Variants in ESF1 observed in about 807,000 individuals in gnomAD.
The protein encoded by ESF1 is ESF1 homolog.
In ESF1, 58 loss-of-function variants were observed where a neutral mutation model predicts 92.0. The observed-to-expected ratio is 0.63, with a 90% CI of 0.51 to 0.78. The LOEUF is 0.78. ESF1 is among the 30% of genes least tolerant of loss of function. The pLI is 0.00. For synonymous variants in ESF1, 321 were observed against 313.7 expected (o/e 1.02, Z -0.24); for missense variants, 922 against 989.1 (o/e 0.93, Z 0.91).
rs201910086 is a variant in ESF1 at position 13,759,658 on chromosome 20, G to T, written c.1828+34C>A. The T allele has an allele frequency of 2.2e-5, 34 of 1,561,022 alleles. No homozygotes were observed. The Middle Eastern group carries it at 8.6e-4, about 39-fold the overall frequency. ...AAAGGTACTCAACATGCTGAAATTC[G>T]AAAAAGAGAAAACATTTAGTATCTA... On this transcript the variant is annotated intron_variant, in intron 9 of 13. Coordinates refer to ENST00000617257, the MANE Select transcript of ESF1 (RefSeq NM_001276380.2).
intron 8 of ESF1, among the ~76,000 whole-genome samples, chr20:13,760,609 G>T (rs1428771463): frequency 2.0e-5 from 3 of 148,350 alleles, no homozygotes; most frequent in African/African-American, 7.5e-5. Flanking sequence ...CAGCCACCCC[G>T]TCTGGGAAGT....
At chr20:13,782,393 G>T in intron 2 of ESF1, 111 bp downstream of exon 2, 1 of 877,294 alleles carries the variant, frequency 1.1e-6, no homozygotes, top group Non-Finnish European at 1.6e-6. Context: ...ATAAGCATTT[G>T]ACCATTCCAT....
chr20:13,754,402 CT>C (rs528287876), intron 9 of ESF1, among the ~76,000 whole-genome samples: 96 of 152,258 alleles, frequency 6.3e-4, no homozygotes, highest in African/African-American at 2.2e-3. Context: ...GCTTTTGAAC[CT>C]TTCTTTTTTA....
intron 9 of ESF1, among the ~76,000 whole-genome samples, chr20:13,740,829 A>G (rs1336728331): frequency 6.6e-6 from 1 of 152,192 alleles, no homozygotes; most frequent in Non-Finnish European, 1.5e-5. Context: ...GTATTAAAAT[A>G]CTTGTTCTTT....
At chr20:13,760,057 G>A (rs1979090547) in intron 8 of ESF1, among the ~76,000 whole-genome samples, 1 of 152,254 alleles carries the variant, frequency 6.6e-6, no homozygotes, top group Admixed American at 6.5e-5. Flanking sequence ...TGTCATAGCA[G>A]TATGCTTGGG....
chr20:13,717,561 T>C (rs753725872), intron 12 of ESF1, 47 bp from the exon 13 acceptor site: 24 of 1,602,806 alleles, frequency 1.5e-5, no homozygotes, highest in African/African-American at 9.4e-5. Flanking sequence ...TGCTTTTTTT[T>C]CCACCCCCAA....
intron 8 of ESF1, 137 bp from the exon 9 acceptor site, chr20:13,759,990 A>G: frequency 1.5e-6 from 2 of 1,342,944 alleles, no homozygotes; most frequent in African/African-American, 3.0e-5. Flanking sequence ...CTGAATATTA[A>G]ATGAAAGACT....
intron 11 of ESF1, among the ~76,000 whole-genome samples, chr20:13,723,352 A>G: frequency 6.6e-6 from 1 of 151,968 alleles, no homozygotes; most frequent in East Asian, 1.9e-4. Context: ...CCTCTAGGCT[A>G]CCACATTCTG....
At chr20:13,719,771 A>G (rs2049855027) in intron 11 of ESF1, among the ~76,000 whole-genome samples, 2 of 151,808 alleles carry the variant, frequency 1.3e-5, no homozygotes, top group African/African-American at 4.8e-5. Context: ...CAAAGAAAAA[A>G]CCCCCAAGTG....
intron 9 of ESF1, among the ~76,000 whole-genome samples, 170 bp downstream of exon 9, chr20:13,759,522 T>A (rs1377973669): frequency 3.3e-5 from 5 of 152,130 alleles, no homozygotes; most frequent in Non-Finnish European, 1.5e-5. Flanking sequence ...AGAAACCAAT[T>A]AAAAATAAGT....
chr20:13,771,401 T>C lies in ESF1; in HGVS notation c.1333A>G (p.Thr445Ala). 2 of 1,613,192 alleles carry C rather than the reference T, an allele frequency of 1.2e-6. No homozygotes were observed. The highest frequency in any genetic ancestry group is 8.5e-7 in the Non-Finnish European group (1 of 1,179,566). ...CAATCCTCATAAATTTTACTAGCTG[T>C]TTCCGGAGAATCACAGTCTACTACT... is the stretch of plus-strand genomic sequence containing the variant. Reference protein sequence around the residue: ...YAVVDCDSPETASKIYEDCDG... With the variant: ...YAVVDCDSPEAASKIYEDCDG... The change falls in exon 6 of 14, where the codon ACA becomes GCA. Residue 445 changes from threonine to alanine, a missense_variant. Thr to Ala is a moderately conservative substitution (Grantham distance 58). Coordinates refer to ENST00000617257, the MANE Select transcript of ESF1 (RefSeq NM_001276380.2).
At chr20:13,760,000 T>C (rs1979087460) in intron 8 of ESF1, 147 bp from the exon 9 acceptor site, 4 of 1,310,356 alleles carry the variant, frequency 3.1e-6, no homozygotes, top group Admixed American at 7.0e-5. Flanking sequence ...AATGAAAGAC[T>C]TAGGGTCTCA....
intron 11 of ESF1, among the ~76,000 whole-genome samples, chr20:13,723,403 G>C (rs890958567): frequency 2.0e-5 from 3 of 151,520 alleles, no homozygotes; most frequent in African/African-American, 4.9e-5. Flanking sequence ...AAAATAAAGG[G>C]AAGCCCACTA....
At chr20:13,781,720 T>C (rs983230372) in intron 2 of ESF1, among the ~76,000 whole-genome samples, 6 of 152,212 alleles carry the variant, frequency 3.9e-5, no homozygotes, top group African/African-American at 7.2e-5. Flanking sequence ...AAAGGCATCA[T>C]ATAAGCTAGC....
chr20:13,729,698 T>G (rs1018448443), intron 10 of ESF1, among the ~76,000 whole-genome samples: 1 of 152,214 alleles, frequency 6.6e-6, no homozygotes, highest in African/African-American at 2.4e-5. Context: ...AGTAGGACAA[T>G]GTAATGAACC....
At chr20:13,766,473 T>A (rs897706885) in intron 8 of ESF1, among the ~76,000 whole-genome samples, 3 of 152,202 alleles carry the variant, frequency 2.0e-5, no homozygotes, top group African/African-American at 4.8e-5. Context: ...TCTTATTTTT[T>A]AAAAAGGCAA....
chr20:13,760,629 C>G lies in ESF1; in HGVS notation c.1667-776G>C, dbSNP rs558804076. Among the ~76,000 whole-genome samples the G allele has an allele frequency of 5.5e-4, 84 of 151,966 alleles. 2 individuals are homozygous for G. In the South Asian group the frequency reaches 0.015, roughly 27 times the overall value. The stretch of plus-strand genomic sequence containing the variant: ...ACCCCGTCTGGGAAGTGAGGAGCGT[C>G]TCCGCCCGGCAGCCGCCCTGTCCGG... On this transcript the variant is annotated intron_variant, in intron 8 of 13. Transcript: ENST00000617257.
intron 8 of ESF1, among the ~76,000 whole-genome samples, chr20:13,763,967 C>T (rs1160679436): frequency 6.6e-6 from 1 of 152,060 alleles, no homozygotes; most frequent in Admixed American, 6.5e-5. Context: ...GAAGCAGTGT[C>T]TTCAGGAGTC....
intron 2 of ESF1, among the ~76,000 whole-genome samples, chr20:13,779,394 ATTTCT>A (rs1268255963): frequency 1.3e-5 from 2 of 152,178 alleles, no homozygotes; most frequent in African/African-American, 2.4e-5. Context: ...ATATCCCTAA[ATTTCT>A]TTTCTTTAAT....
Sources: allele counts gnomAD v4.1 joint callset (sites outside exome capture counted in the v4.1 genomes callset), GRCh38; gene constraint gnomAD v4.1.1; transcripts MANE v1.5; gene names NCBI Gene and HGNC (gene_info 2026-07-23, HGNC 2026-07-21).